Variants in ERO1B observed in about 807,000 individuals in gnomAD.
ERO1B encodes ERO1-like protein beta.
ERO1B carries 49 observed loss-of-function variants against 75.3 expected under a neutral mutation model. That is an observed-to-expected ratio of 0.65 (90% CI 0.52 to 0.83). The LOEUF (loss-of-function observed/expected upper bound fraction) is 0.83, where lower values mean the gene tolerates loss of function less well. Ranked by LOEUF, ERO1B falls within the 40% of genes least tolerant of loss-of-function variation. The probability of loss-of-function intolerance (pLI) is 0.00; values close to 1 mark genes in which losing one functional copy is unlikely to be tolerated. For missense variants in ERO1B, 512 were observed against 560.1 expected (o/e 0.91, Z 0.87); for synonymous variants, 191 against 192.9 (o/e 0.99, Z 0.08).
intron 11 of ERO1B, 39 bp downstream of exon 11, chr1:236,226,608 C>CT (rs760454691): frequency 8.1e-6 from 13 of 1,599,568 alleles, no homozygotes; most frequent in Non-Finnish European, 1.1e-5. Context: ...AATTTTTACA[C>CT]TAATAGAAGG....
At chr1:236,245,295 A>T (rs762446007) in intron 5 of ERO1B, among the ~76,000 whole-genome samples, 12 of 33,256 alleles carry the variant, frequency 3.6e-4, no homozygotes, top group Middle Eastern at 0.017. Flanking sequence ...ATGCCCAGTC[A>T]AAATATATAT....
intron 2 of ERO1B, among the ~76,000 whole-genome samples, chr1:236,255,702 G>A (rs1282682306): frequency 5.9e-5 from 9 of 152,076 alleles, no homozygotes; most frequent in Non-Finnish European, 1.0e-4. Flanking sequence ...AGAGGCAGTG[G>A]GGCAGGATGT....
At chr1:236,253,543 A>C in intron 2 of ERO1B, 38 bp from the exon 3 acceptor site, 1 of 1,347,976 alleles carries the variant, frequency 7.4e-7, no homozygotes, top group African/African-American at 1.4e-5. Context: ...CTCATATTAT[A>C]GTTATGGGGT....
In ERO1B at chr1:236,221,972, T is replaced by A. The variant is rs1664157148; in HGVS notation, c.1161A>T (p.Ile387=). The A allele has an allele frequency of 6.2e-7, 1 of 1,613,814 alleles. No individual in the cohort carries two copies. The highest frequency in any genetic ancestry group is 8.5e-7 in the Non-Finnish European group (1 of 1,179,780). Residue 387 remains isoleucine (I), a synonymous_variant, in exon 14 of 16, where the codon ATA becomes ATT. Transcript: ENST00000354619. Reference sequence around the variant, plus strand: ...ATTTGTCACATCCAACACAGTCCATTATACGGGAGATATTCTTGAAATGTA... The same window carrying A: ...ATTTGTCACATCCAACACAGTCCATAATACGGGAGATATTCTTGAAATGTA... ...FRLHFKNISR[I]MDCVGCDKCR...
chr1:236,249,173 C>T (rs1664956325), intron 5 of ERO1B, among the ~76,000 whole-genome samples: 1 of 151,868 alleles, frequency 6.6e-6, no homozygotes, highest in Admixed American at 6.6e-5. Context: ...TTATAGGCAC[C>T]CGCCACCACA....
At chr1:236,251,277 ATATAT>A (rs1665019792) in intron 4 of ERO1B, 1 of 152,438 alleles carries the variant, frequency 6.6e-6, no homozygotes, top group Non-Finnish European at 1.5e-5. Flanking sequence ...AAAGTGTAAA[ATATAT>A]TACTTGTAGA....
chr1:236,236,230 C>T (rs755709776), intron 7 of ERO1B, 48 bp downstream of exon 7: 3 of 1,609,478 alleles, frequency 1.9e-6, no homozygotes, highest in South Asian at 2.2e-5. Flanking sequence ...CCCGGCCTCT[C>T]CCGACCCTCT....
chr1:236,279,482 GAC>G (rs1291639936), intron 1 of ERO1B, among the ~76,000 whole-genome samples: 61 of 116,914 alleles, frequency 5.2e-4, no homozygotes, highest in Non-Finnish European at 9.3e-4. Flanking sequence ...CAGTCTGGGT[GAC>G]ACAGAGCGAG....
In ERO1B at chr1:236,269,994, C is replaced by T; in HGVS notation, c.103G>A (p.Val35Ile). The change falls in exon 2 of 16, where the codon GTC becomes ATC. Residue 35 changes from valine to isoleucine, a missense_variant and splice_region_variant. Transcript: ENST00000354619. Reference protein sequence around the residue: ...SFLRSVVEAQVTGVLDDCLCD... With the variant: ...SFLRSVVEAQITGVLDDCLCD... ...AAGCAATCATCCAGAACTCCAGTGACCTAGAATTTATATAATTTAAAATAT... is the reference window on the plus strand; with the variant it reads ...AAGCAATCATCCAGAACTCCAGTGATCTAGAATTTATATAATTTAAAATAT... 2.5e-6 allele frequency: 4 copies of T among 1,577,540 alleles called. No homozygotes were observed. Among genetic ancestry groups the T allele is most frequent in the Non-Finnish European group, 3.5e-6 (4 of 1,156,406 alleles).
At chr1:236,235,285 A>T (rs915243877) in intron 8 of ERO1B, among the ~76,000 whole-genome samples, 7 of 152,234 alleles carry the variant, frequency 4.6e-5, no homozygotes, top group African/African-American at 1.7e-4. Flanking sequence ...CCCAAGAAAT[A>T]CAGAATCAGA....
chr1:236,250,854 A>G (rs1257690670), intron 4 of ERO1B, among the ~76,000 whole-genome samples: 1 of 151,866 alleles, frequency 6.6e-6, no homozygotes, highest in Non-Finnish European at 1.5e-5. Flanking sequence ...TGCCTTGGAA[A>G]ATTATTTGGT....
chr1:236,244,310 G>C (rs1415667270), intron 5 of ERO1B, among the ~76,000 whole-genome samples: 1 of 152,100 alleles, frequency 6.6e-6, no homozygotes, highest in Non-Finnish European at 1.5e-5. Context: ...TCAAGAATTT[G>C]TTTTGTATTT....
intron 7 of ERO1B, 95 bp from the exon 8 acceptor site, chr1:236,235,930 C>T: frequency 1.8e-6 from 2 of 1,108,218 alleles, no homozygotes; most frequent in Admixed American, 2.5e-5. Flanking sequence ...CCTCCCCACC[C>T]TCTTTTTTTT....
intron 6 of ERO1B, among the ~76,000 whole-genome samples, chr1:236,239,278 GCTTA>G (rs1572041620): frequency 6.6e-6 from 1 of 152,206 alleles, no homozygotes; most frequent in East Asian, 1.9e-4. Flanking sequence ...CTGGCCTGCT[GCTTA>G]TTTTTGTAAA....
chr1:236,269,497 G>A (rs115178674), intron 2 of ERO1B, among the ~76,000 whole-genome samples: 1 of 152,302 alleles, frequency 6.6e-6, no homozygotes, highest in Non-Finnish European at 1.5e-5. Context: ...CAAAGATGCT[G>A]CTGTGGTCCT....
At chr1:236,249,213 A>G (rs1664957351) in intron 5 of ERO1B, among the ~76,000 whole-genome samples, 1 of 151,996 alleles carries the variant, frequency 6.6e-6, no homozygotes, top group Non-Finnish European at 1.5e-5. Flanking sequence ...TTTAGTAGAG[A>G]TGGGGTTTCA....
intron 14 of ERO1B, 105 bp downstream of exon 14, chr1:236,221,818 TA>T (rs1664152110): frequency 2.3e-6 from 2 of 864,910 alleles, no homozygotes; most frequent in Non-Finnish European, 3.7e-6. Context: ...TGCCTATTCC[TA>T]AATTCTAATT....
In ERO1B at chr1:236,215,923, CAGAG is replaced by C. The variant is rs1284349408; in HGVS notation, c.*2589_*2592del. 2 of 85,442 alleles carry C rather than the reference CAGAG, an allele frequency of 2.3e-5. No individual in the cohort carries two copies. The highest frequency in any genetic ancestry group is 2.8e-4 in the Admixed American group (2 of 7,098). The allele number at this position is 85,442 out of a possible 1,614,324, so 5.3% of individuals were successfully genotyped here. A position where few individuals can be genotyped will look rare whatever the true frequency, so the allele number is the denominator to read the frequency against. On this transcript the variant is annotated 3_prime_UTR_variant, in exon 16 of 16. Transcript: ENST00000354619. ...AACATGGCAGAGTTTCATATACATACAGAGATTACAAATATCGAATAATTCACAA... is the reference window on the plus strand; with the variant it reads ...AACATGGCAGAGTTTCATATACATACATTACAAATATCGAATAATTCACAA...
At chr1:236,239,133 A>G (rs1028541623) in intron 6 of ERO1B, among the ~76,000 whole-genome samples, 3 of 152,152 alleles carry the variant, frequency 2.0e-5, no homozygotes, top group Non-Finnish European at 4.4e-5. Context: ...TACATTTTCA[A>G]TGTTCTTAAT....
Sources: gnomAD v4.1 joint callset for allele counts (sites outside exome capture counted in the v4.1 genomes callset) on GRCh38, gnomAD v4.1.1 for gene constraint, MANE v1.5 for transcripts, NCBI Gene and HGNC (gene_info 2026-07-23, HGNC 2026-07-21) for gene names.